The following MAGI3 variants were observed in gnomAD, a reference collection of about 807,000 sequenced individuals.
The protein encoded by MAGI3 is membrane-associated guanylate kinase, WW and PDZ domain-containing protein 3.
Under a neutral mutation model 121.8 loss-of-function variants are expected in MAGI3, and 43 were observed. The observed-to-expected ratio is 0.35, with a 90% CI of 0.28 to 0.46. The LOEUF is 0.46. Ranked by LOEUF, MAGI3 falls within the 20% of genes least tolerant of loss-of-function variation. MAGI3 has a pLI of 1.00. For missense variants in MAGI3, 1,547 were observed against 1,797.3 expected (o/e 0.86, Z 2.52); for synonymous variants, 553 against 639.3 (o/e 0.86, Z 2.04).
chr1:113,645,320 G>A (rs952548778), intron 11 of MAGI3, among the ~76,000 whole-genome samples: 7 of 152,022 alleles, frequency 4.6e-5, no homozygotes, highest in African/African-American at 7.2e-5. Context: ...CACTGCGCCC[G>A]GCCAGCTTCT....
In MAGI3 at chr1:113,684,314, AT is replaced by A. The variant is rs1648418616; in HGVS notation, c.*302del. The A allele has an allele frequency of 4.6e-6, 1 of 215,262 alleles. No individual in the cohort carries two copies. The highest frequency in any genetic ancestry group is 5.1e-5 in the Admixed American group (1 of 19,596). The allele number at this position is 215,262 out of a possible 1,614,324, so 13.3% of individuals were successfully genotyped here. A position where few individuals can be genotyped will look rare whatever the true frequency, so the allele number is the denominator to read the frequency against. On this transcript the variant is annotated 3_prime_UTR_variant, in exon 21 of 21. Coordinates refer to ENST00000307546, the MANE Select transcript of MAGI3 (RefSeq NM_001142782.2). Reference sequence around the variant, plus strand: ...GTCTGAACAAATGACATATGTTGATATTAACAATGTGGTCACAACTCACTTT... The same window carrying A: ...GTCTGAACAAATGACATATGTTGATATAACAATGTGGTCACAACTCACTTT...
rs1047601642 is a variant in MAGI3, at chr1:113,390,794, T to A, written c.-240T>A. On this transcript the variant is annotated 5_prime_UTR_variant, in exon 1 of 21. Coordinates refer to ENST00000307546, the MANE Select transcript of MAGI3 (RefSeq NM_001142782.2). ...TTCCTTTCTTCAGCCTAACCCGCGGTGGCCCTCGCGGAGTCCGGTCAGCCC... is the reference window on the plus strand; with the variant it reads ...TTCCTTTCTTCAGCCTAACCCGCGGAGGCCCTCGCGGAGTCCGGTCAGCCC... 1.7e-4 allele frequency: 40 copies of A among 229,298 alleles called. No individual in the cohort carries two copies. In the Middle Eastern group the frequency reaches 4.3e-3, roughly 25 times the overall value. 14.2% of individuals were successfully genotyped at this position (229,298 alleles called of 1,614,324 possible).
intron 1 of MAGI3, among the ~76,000 whole-genome samples, chr1:113,521,184 T>G (rs1658160556): frequency 6.6e-6 from 1 of 151,172 alleles, no homozygotes; most frequent in Non-Finnish European, 1.5e-5. Flanking sequence ...CCTCCCGGGT[T>G]CAAGCGATTC....
intron 1 of MAGI3, among the ~76,000 whole-genome samples, chr1:113,522,845 T>C (rs1658268580): frequency 1.3e-5 from 2 of 152,316 alleles, no homozygotes; most frequent in African/African-American, 2.4e-5. Context: ...CTTCAGCACA[T>C]ATCTACTAAG....
intron 1 of MAGI3, among the ~76,000 whole-genome samples, chr1:113,398,996 G>GA (rs1358639488): frequency 1.5e-4 from 23 of 152,266 alleles, no homozygotes; most frequent in African/African-American, 5.1e-4. Context: ...TGTAGGCTAA[G>GA]AAGAAATTTA....
chr1:113,533,389 C>G (rs991682022), intron 1 of MAGI3, among the ~76,000 whole-genome samples: 1 of 152,064 alleles, frequency 6.6e-6, no homozygotes, highest in Non-Finnish European at 1.5e-5. Context: ...ACATTGAGTA[C>G]ACATGGATAG....
At chr1:113,541,741 A>G (rs941441693) in intron 1 of MAGI3, among the ~76,000 whole-genome samples, 3 of 152,174 alleles carry the variant, frequency 2.0e-5, no homozygotes, top group African/African-American at 4.8e-5. Flanking sequence ...GCTTATGGGA[A>G]TTGCAAAGGG....
At chr1:113,647,642 A>C (rs1652923898) in intron 12 of MAGI3, among the ~76,000 whole-genome samples, 1 of 152,188 alleles carries the variant, frequency 6.6e-6, no homozygotes, top group Admixed American at 6.5e-5. Context: ...AGAGATGTAA[A>C]TCTACCTTGG....
At chr1:113,625,168 G>T (rs183780615) in intron 9 of MAGI3, among the ~76,000 whole-genome samples, 6 of 152,174 alleles carry the variant, frequency 3.9e-5, no homozygotes, top group Admixed American at 2.6e-4. Context: ...GCTAGCTTTG[G>T]CTATTCTGGG....
At chr1:113,428,119 C>A (rs1653107703) in intron 1 of MAGI3, among the ~76,000 whole-genome samples, 1 of 152,014 alleles carries the variant, frequency 6.6e-6, no homozygotes, top group African/African-American at 2.4e-5. Flanking sequence ...TTAATGGTAT[C>A]TTTTGATGAA....
chr1:113,605,812 C>G (rs911121430), intron 6 of MAGI3, among the ~76,000 whole-genome samples: 2 of 152,016 alleles, frequency 1.3e-5, no homozygotes, highest in Admixed American at 1.3e-4. Flanking sequence ...ATTGGCGAGG[C>G]TGGTCTCGAA....
At chr1:113,657,346 A>G (rs566391393) in intron 15 of MAGI3, among the ~76,000 whole-genome samples, 2 of 152,334 alleles carry the variant, frequency 1.3e-5, no homozygotes, top group African/African-American at 4.8e-5. Flanking sequence ...TTCCGGTGAC[A>G]CTGCTATAAA....
At chr1:113,433,483 C>T (rs1350913633) in intron 1 of MAGI3, among the ~76,000 whole-genome samples, 2 of 152,110 alleles carry the variant, frequency 1.3e-5, no homozygotes, top group African/African-American at 4.8e-5. Flanking sequence ...TAGGAAATAA[C>T]CTAAAACTTC....
At chr1:113,609,597 A>G (rs1312536481) in intron 6 of MAGI3, among the ~76,000 whole-genome samples, 1 of 152,228 alleles carries the variant, frequency 6.6e-6, no homozygotes, top group Admixed American at 6.5e-5. Context: ...TGCTAAAGGC[A>G]GCTTACAAAT....
intron 1 of MAGI3, among the ~76,000 whole-genome samples, chr1:113,402,357 A>G (rs1366471708): frequency 6.6e-6 from 1 of 152,132 alleles, no homozygotes. Context: ...TTAAGCCTTT[A>G]TAATGGTGTA....
At chr1:113,650,128 T>G (rs1450606818) in intron 13 of MAGI3, among the ~76,000 whole-genome samples, 1 of 152,176 alleles carries the variant, frequency 6.6e-6, no homozygotes. Context: ...GGCTTCTTAT[T>G]TCTGAATAGA....
chr1:113,532,982 C>A (rs1658796092), intron 1 of MAGI3, among the ~76,000 whole-genome samples: 1 of 152,096 alleles, frequency 6.6e-6, no homozygotes, highest in African/African-American at 2.4e-5. Flanking sequence ...TCATTTTGAC[C>A]ATGAAAAATA....
chr1:113,604,544 C>T (rs1349608033), intron 6 of MAGI3, among the ~76,000 whole-genome samples: 5 of 126,422 alleles, frequency 4.0e-5, no homozygotes, highest in African/African-American at 9.2e-5. Context: ...TCCAGCCTGG[C>T]GACAGAGTGA....
intron 1 of MAGI3, among the ~76,000 whole-genome samples, chr1:113,467,297 T>C (rs893358499): frequency 6.6e-6 from 1 of 152,202 alleles, no homozygotes; most frequent in African/African-American, 2.4e-5. Context: ...TACATTGTGG[T>C]CAGAAAAGAT....
Sources: gnomAD v4.1 joint callset for allele counts (sites outside exome capture counted in the v4.1 genomes callset) on GRCh38, gnomAD v4.1.1 for gene constraint, MANE v1.5 for transcripts, NCBI Gene and HGNC (gene_info 2026-07-23, HGNC 2026-07-21) for gene names.